SRCIN1: variants seen among roughly 807,000 people sequenced by gnomAD.
SRCIN1 encodes the protein P130Cas-associated protein.
Under a neutral mutation model 116.2 loss-of-function variants are expected in SRCIN1, and 50 were observed. The observed-to-expected ratio is 0.43, with a 90% CI of 0.34 to 0.54. The LOEUF (loss-of-function observed/expected upper bound fraction) is 0.54, where lower values mean the gene tolerates loss of function less well. Ranked by LOEUF, SRCIN1 falls within the 20% of genes least tolerant of loss-of-function variation. The pLI is 0.02. For missense variants in SRCIN1, 1,446 were observed against 1,672.0 expected, an observed-to-expected ratio of 0.86 and a Z score of 2.36; for synonymous variants, 736 against 750.0, an observed-to-expected ratio of 0.98 and a Z score of 0.30.
rs1380483841 is a variant in SRCIN1, at chr17:38,604,577, C to T, written c.22+1107G>A. On this transcript the variant is annotated intron_variant, in intron 1 of 18. Transcript: ENST00000617146. The surrounding 1 kb of genome is among the most constrained non-coding windows in gnomAD (Gnocchi z 4.3). ...CCTCTCCCACCAGGCCAGGGCAAAG[C>T]GCCGGAGGCACTGCCAGGGCTGCAT... The T allele has an allele frequency of 2.2e-6, 1 of 453,086 alleles. No homozygotes were observed. Among genetic ancestry groups the T allele is most frequent in the Non-Finnish European group, 4.4e-6 (1 of 225,706 alleles). The allele number at this position is 453,086 out of a possible 1,614,324, so 28.1% of individuals were successfully genotyped here.
chr17:38,548,827 C>T, intron 16 of SRCIN1, 118 bp from the exon 17 acceptor site: 1 of 1,386,580 alleles, frequency 7.2e-7, no homozygotes, highest in Non-Finnish European at 9.5e-7. Flanking sequence ...TGCTGCTACA[C>T]CCCTGCCAGG....
intron 1 of SRCIN1, among the ~76,000 whole-genome samples, chr17:38,595,168 T>G (rs1908656514): frequency 6.6e-6 from 1 of 152,088 alleles, no homozygotes; most frequent in Non-Finnish European, 1.5e-5. Context: ...GCTGTTAGAC[T>G]CTGAGCCTAG....
chr17:38,605,777 C>A lies in SRCIN1; in HGVS notation c.-72G>T. On this transcript the variant is annotated 5_prime_UTR_variant, in exon 1 of 19. Transcript: ENST00000617146. ...GCTCGCCCTCTCGCCGCCTCGCGGG[C>A]TCCTCGCTCGGCCCCAGCCCCGGGG... 1.4e-6 allele frequency: 1 copy of A among 726,952 alleles called. No individual in the cohort carries two copies. The highest frequency in any genetic ancestry group is 1.7e-6 in the Non-Finnish European group (1 of 579,886). The allele number at this position is 726,952 out of a possible 1,614,324, so 45.0% of individuals were successfully genotyped here. A position where few individuals can be genotyped will look rare whatever the true frequency, so the allele number is the denominator to read the frequency against.
At chr17:38,555,771 C>T (rs1905746565) in intron 11 of SRCIN1, among the ~76,000 whole-genome samples, 1 of 152,184 alleles carries the variant, frequency 6.6e-6, no homozygotes, top group South Asian at 2.1e-4. Flanking sequence ...CCTAGCCCAG[C>T]CCTCGCTCTA....
rs553241121 is a variant in SRCIN1 at position 38,550,306 on chromosome 17, A to G, written c.2962+849T>C. Among the ~76,000 whole-genome samples, 7 of 152,196 alleles carry G rather than the reference A, an allele frequency of 4.6e-5. No individual in the cohort carries two copies. The South Asian group carries it at 6.2e-4, about 14-fold the overall frequency. The stretch of plus-strand genomic sequence containing the variant: ...TCAGGAGATCGAGACCATCCTGGCT[A>G]ACACGGTGAGACCCCATCTCTACTA... On this transcript the variant is annotated intron_variant, in intron 15 of 18. Transcript: ENST00000617146.
rs1302553526 is a variant in SRCIN1 at position 38,544,096 on chromosome 17, CCT to C, written c.3271-129_3271-128del. 6.0e-6 allele frequency: 7 copies of C among 1,171,454 alleles called. No homozygotes were observed. The East Asian group carries it at 1.9e-4, about 31-fold the overall frequency. The allele number at this position is 1,171,454 out of a possible 1,614,324, so 72.6% of individuals were successfully genotyped here. A position where few individuals can be genotyped will look rare whatever the true frequency, so the allele number is the denominator to read the frequency against. On this transcript the variant is annotated intron_variant, in intron 17 of 18. Transcript: ENST00000617146. This position sits in a 1 kb window ranked among gnomAD's most constrained non-coding sequence, Gnocchi z 4.5. ...TGGGGCCCTTTGAGACCTGGAGACC[CCT>C]CTCTAGCTCCACACCCGAGTCCAGA...
At chr17:38,541,831 T>C (rs1373383246) in intron 18 of SRCIN1, 2 of 152,466 alleles carry the variant, frequency 1.3e-5, no homozygotes, top group Non-Finnish European at 2.9e-5. Context: ...TAGCCTGTAG[T>C]CTCAGCTGCT....
At chr17:38,580,075 A>C (rs1203563334) in intron 1 of SRCIN1, among the ~76,000 whole-genome samples, 1 of 152,112 alleles carries the variant, frequency 6.6e-6, no homozygotes, top group Non-Finnish European at 1.5e-5. Flanking sequence ...GGCCTGACTC[A>C]TAGGGCTCCT....
intron 1 of SRCIN1, among the ~76,000 whole-genome samples, chr17:38,587,784 C>G (rs1055927104): frequency 6.6e-6 from 1 of 152,154 alleles, no homozygotes; most frequent in Admixed American, 6.5e-5. Flanking sequence ...ATGCCCCCAG[C>G]CCAGGGGGAT....
chr17:38,601,662 GCACA>G (rs71138637), intron 1 of SRCIN1, among the ~76,000 whole-genome samples: 71 of 149,938 alleles, frequency 4.7e-4, no homozygotes, highest in African/African-American at 1.4e-3. Context: ...ACGCTCGCGC[GCACA>G]CACACACACA....
Position 38,561,538 on chromosome 17 carries a change from T to A in SRCIN1, c.1625A>T (p.Glu542Val), listed in dbSNP as rs981048482. 2 of 1,599,948 alleles carry A rather than the reference T, an allele frequency of 1.3e-6. No homozygotes were observed. The highest frequency in any genetic ancestry group is 3.4e-5 in the Admixed American group (2 of 59,448). ...SASTAGAPPS[E>V]LFPGPGERSL... is the part of the protein sequence containing the mutation. ...GCGTTCCCCAGGCCCAGGGAAGAGC[T>A]CCGAAGGGGGAGCTCCGGCCGTCGA... The change falls in exon 7 of 19, where the codon GAG becomes GTG. Residue 542 changes from glutamate (E) to valine (V), a missense_variant. By Grantham distance (121) the Glu-to-Val change is moderately radical. Transcript: ENST00000617146.
At position 38,535,725 on chromosome 17, in the gene SRCIN1, T is replaced by C. The variant is rs2040991225; in HGVS notation, c.3418-2294A>G. 5.9e-5 allele frequency among the ~76,000 whole-genome samples: 9 copies of C among 152,264 alleles called. No individual in the cohort carries two copies. The South Asian group carries it at 1.9e-3, about 32-fold the overall frequency. ...GACCACTGTGTCACTTACCTTGGGC[T>C]CAGTCCTGCCTCTCCTCTGCTCTAG... On this transcript the variant is annotated intron_variant, in intron 18 of 18. Transcript: ENST00000617146.
rs571120826 is a variant in SRCIN1 at position 38,604,185 on chromosome 17, C to T, written c.22+1499G>A. Among the ~76,000 whole-genome samples the T allele has an allele frequency of 6.6e-6, 1 of 152,256 alleles. No homozygotes were observed. Among genetic ancestry groups the T allele is most frequent in the South Asian group, 2.1e-4 (1 of 4,818 alleles). ...TACCAAGAGTCGGGAAGAAGGTATCCTGACGACCCCCCAAAAGTGCTCAAA... is the reference window on the plus strand; with the variant it reads ...TACCAAGAGTCGGGAAGAAGGTATCTTGACGACCCCCCAAAAGTGCTCAAA... On this transcript the variant is annotated intron_variant, in intron 1 of 18. Coordinates refer to ENST00000617146, the MANE Select transcript of SRCIN1 (RefSeq NM_025248.3). This position sits in a 1 kb window ranked among gnomAD's most constrained non-coding sequence, Gnocchi z 4.3.
At chr17:38,551,040 G>A in intron 15 of SRCIN1, 115 bp downstream of exon 15, 1 of 578,364 alleles carries the variant, frequency 1.7e-6, no homozygotes, top group Non-Finnish European at 3.1e-6. Flanking sequence ...CCTCCCTTGT[G>A]TGGCAGCCCA....
rs1905407639 is a variant in SRCIN1 at position 38,551,504 on chromosome 17, T to C, written c.2728-115A>G. 10 of 906,054 alleles carry C rather than the reference T, an allele frequency of 1.1e-5. No individual in the cohort carries two copies. In the South Asian group the frequency reaches 1.7e-4, roughly 16 times the overall value. The allele number at this position is 906,054 out of a possible 1,614,324, so 56.1% of individuals were successfully genotyped here. On this transcript the variant is annotated intron_variant, in intron 14 of 18. Coordinates refer to ENST00000617146, the MANE Select transcript of SRCIN1 (RefSeq NM_025248.3). ...AAGGAATAGAAAACGAAGCCTCATA[T>C]TTGATCCCACCTCCAGGAAGACACT...
At position 38,562,064 on chromosome 17, in the gene SRCIN1, C is replaced by T. The variant is rs866245237; in HGVS notation, c.1099G>A (p.Ala367Thr). 1.2e-5 allele frequency: 18 copies of T among 1,483,064 alleles called. No individual in the cohort carries two copies. Among genetic ancestry groups the T allele is most frequent in the Non-Finnish European group, 1.5e-5 (17 of 1,124,406 alleles). The allele number at this position is 1,483,064 out of a possible 1,614,324, so 91.9% of individuals were successfully genotyped here. ...TTCACGTCGCGCCGCTCCAGGATGG[C>T]GCTGGGGCTGGGGCTGACGCCCTGG... Reference protein sequence around the residue: ...AAQGVSPSPSAILERRDVKPD... With the variant: ...AAQGVSPSPSTILERRDVKPD... The change falls in exon 7 of 19, where the codon GCC becomes ACC. Residue 367 changes from alanine (A) to threonine (T), a missense_variant. This residue lies in a region of SRCIN1 where 239 missense variants were observed against 317.7 expected (regional missense o/e 0.75). Coordinates refer to ENST00000617146, the MANE Select transcript of SRCIN1 (RefSeq NM_025248.3). This position sits in a 1 kb window ranked among gnomAD's most constrained non-coding sequence, Gnocchi z 4.2.
At chr17:38,560,519 A>G (rs1906163562) in intron 7 of SRCIN1, 94 bp from the exon 8 acceptor site, 1 of 1,080,416 alleles carries the variant, frequency 9.3e-7, no homozygotes, top group Admixed American at 2.1e-5. Context: ...CAGAAGAAAC[A>G]CCGTCCCATC....
At chr17:38,553,382 C>G (rs1047939496) in intron 11 of SRCIN1, among the ~76,000 whole-genome samples, 1 of 152,236 alleles carries the variant, frequency 6.6e-6, no homozygotes, top group Non-Finnish European at 1.5e-5. Flanking sequence ...CATCTGCCCC[C>G]TTGGAAGCTC....
At chr17:38,538,664 T>C (rs971419261) in intron 18 of SRCIN1, among the ~76,000 whole-genome samples, 3 of 152,200 alleles carry the variant, frequency 2.0e-5, no homozygotes, top group Non-Finnish European at 2.9e-5. Context: ...TGTTGCTTTA[T>C]TGATCTATTC....
Sources: gnomAD v4.1 joint callset for allele counts (sites outside exome capture counted in the v4.1 genomes callset) on GRCh38, gnomAD v4.1.1 for gene constraint, gnomAD v4.1.1 regional missense constraint, Gnocchi (gnomAD v3.1) non-coding constraint, MANE v1.5 for transcripts, NCBI Gene and HGNC (gene_info 2026-07-23, HGNC 2026-07-21) for gene names.